NETO1: variants seen among roughly 807,000 people sequenced by gnomAD.
NETO1 encodes the protein neuropilin and tolloid-like protein 1.
A neutral mutation model predicts 61.3 loss-of-function variants in NETO1; 26 were observed. The observed-to-expected ratio is 0.42, with a 90% confidence interval of 0.31 to 0.59. The LOEUF (loss-of-function observed/expected upper bound fraction) is 0.59, where lower values mean the gene tolerates loss of function less well. NETO1 is among the 20% of genes least tolerant of loss of function. The pLI is 0.12. For missense variants in NETO1, 531 were observed against 662.8 expected (o/e 0.80, Z 2.18); for synonymous variants, 225 against 225.8 (o/e 1.00, Z 0.03).
In NETO1 at chr18:72,851,272, G is replaced by A. The variant is rs139949814; in HGVS notation, c.469+7554C>T. ...ACTAAAAATACAAAATTAGCCTGGC[G>A]TGGTGGCGCATGCTTGTAATCCCAG... On this transcript the variant is annotated intron_variant, in intron 4 of 10. Coordinates refer to ENST00000327305, the MANE Select transcript of NETO1 (RefSeq NM_138966.5). Among the ~76,000 whole-genome samples the A allele has an allele frequency of 8.2e-3, 1,250 of 152,240 alleles. 21 individuals are homozygous for A. The highest frequency in any genetic ancestry group is 0.029 in the African/African-American group (1,208 of 41,534).
intron 4 of NETO1, among the ~76,000 whole-genome samples, chr18:72,843,089 T>G (rs2073983391): frequency 6.6e-6 from 1 of 152,150 alleles, no homozygotes. Flanking sequence ...TTTAATCTAA[T>G]AAAGAAAACC....
Position 72,746,555 on chromosome 18 carries a change from T to C in NETO1, c.*1624A>G, listed in dbSNP as rs2070436193. ...AATGGCTATGATAACTCTTTGACTT[T>C]TCTATTATAAAAATTTATTTTCTAT... is the stretch of plus-strand genomic sequence containing the variant. On this transcript the variant is annotated 3_prime_UTR_variant, in exon 11 of 11. Coordinates refer to ENST00000327305, the MANE Select transcript of NETO1 (RefSeq NM_138966.5). Among the ~76,000 whole-genome samples, 1 of 152,082 alleles carries C rather than the reference T, an allele frequency of 6.6e-6. No individual in the cohort carries two copies. The highest frequency in any genetic ancestry group is 6.6e-5 in the Admixed American group (1 of 15,250).
chr18:72,827,787 T>C (rs2073432320), intron 4 of NETO1, among the ~76,000 whole-genome samples: 2 of 151,580 alleles, frequency 1.3e-5, no homozygotes, highest in African/African-American at 2.4e-5. Context: ...TTTGGGCATG[T>C]TGAAAGGGAC....
At chr18:72,783,573 T>A (rs946296781) in intron 7 of NETO1, 105 bp downstream of exon 7, 7 of 876,228 alleles carry the variant, frequency 8.0e-6, no homozygotes, top group Admixed American at 4.4e-5. Flanking sequence ...TATTAGAGAA[T>A]AGCCTGCTGT....
At chr18:72,834,623 A>G in intron 4 of NETO1, 1 of 983,502 alleles carries the variant, frequency 1.0e-6, no homozygotes, top group Non-Finnish European at 1.2e-6. Context: ...CAGGAAATTT[A>G]TGTTTATAAT....
chr18:72,823,938 A>G (rs1374834315), intron 4 of NETO1, among the ~76,000 whole-genome samples: 1 of 152,152 alleles, frequency 6.6e-6, no homozygotes, highest in African/African-American at 2.4e-5. Flanking sequence ...AATGTCCTAG[A>G]CAAACAGGAC....
At chr18:72,779,299 A>G (rs1439773021) in intron 7 of NETO1, among the ~76,000 whole-genome samples, 1 of 150,992 alleles carries the variant, frequency 6.6e-6, no homozygotes, top group Non-Finnish European at 1.5e-5. Context: ...ATAATTATAT[A>G]TTAGATTATA....
rs1224894124 is a variant in NETO1, at chr18:72,770,050, G to T, written c.868+13628C>A. Among the ~76,000 whole-genome samples, 3 of 151,876 alleles carry T rather than the reference G, an allele frequency of 2.0e-5. No homozygotes were observed. The East Asian group carries it at 5.8e-4, about 29-fold the overall frequency. On this transcript the variant is annotated intron_variant, in intron 7 of 10. Coordinates refer to ENST00000327305, the MANE Select transcript of NETO1 (RefSeq NM_138966.5). The stretch of plus-strand genomic sequence containing the variant: ...AGCAGTGCATATGCTTTTATTTCAA[G>T]ATTCCATCTCCAACATTATTTCATA...
chr18:72,770,016 T>C (rs2071302867), intron 7 of NETO1, among the ~76,000 whole-genome samples: 1 of 152,124 alleles, frequency 6.6e-6, no homozygotes, highest in Admixed American at 6.6e-5. Flanking sequence ...AAATATTTTG[T>C]TTCCTATAAG....
intron 4 of NETO1, among the ~76,000 whole-genome samples, chr18:72,807,835 ATGTTGC>A (rs967685100): frequency 2.6e-5 from 4 of 151,926 alleles, no homozygotes; most frequent in Non-Finnish European, 4.4e-5. Flanking sequence ...TTGTTGTTGT[ATGTTGC>A]TGTTGCTGTT....
Position 72,859,027 on chromosome 18 carries a change from T to C in NETO1, c.268A>G (p.Ile90Val), listed in dbSNP as rs909144611. ...AATTTGCACTCCCAAGACGGTTCAA[T>C]AGAGTACTTTTCATCAAAGTAAAGT... Reference protein sequence around the residue: ...IELYFDEKYSIEPSWECKFDH... With the variant: ...IELYFDEKYSVEPSWECKFDH... Residue 90 changes from isoleucine (I) to valine (V), a missense_variant, in exon 4 of 11, where the codon ATT becomes GTT. Transcript: ENST00000327305. 1.2e-6 allele frequency: 2 copies of C among 1,613,538 alleles called. No homozygotes were observed. The highest frequency in any genetic ancestry group is 1.7e-6 in the Non-Finnish European group (2 of 1,179,720).
Position 72,745,733 on chromosome 18 carries a change from C to T in NETO1, c.*2446G>A, listed in dbSNP as rs903297173. ...ATAAATAAGCACCGCCAGAGCCCTC[C>T]AGAGAACATCTCCCAACTCTGCCAG... On this transcript the variant is annotated 3_prime_UTR_variant, in exon 11 of 11. Transcript: ENST00000327305. 2.6e-5 allele frequency: 4 copies of T among 152,232 alleles called. No individual in the cohort carries two copies. The highest frequency in any genetic ancestry group is 4.4e-5 in the Non-Finnish European group (3 of 68,072). 9.4% of individuals were successfully genotyped at this position (152,232 alleles called of 1,614,324 possible). A position where few individuals can be genotyped will look rare whatever the true frequency, so the allele number is the denominator to read the frequency against.
intron 4 of NETO1, among the ~76,000 whole-genome samples, chr18:72,829,576 T>A (rs1308656022): frequency 6.6e-6 from 1 of 152,192 alleles, no homozygotes; most frequent in African/African-American, 2.4e-5. Flanking sequence ...TCACATTAGG[T>A]TCTACAGTAG....
intron 7 of NETO1, among the ~76,000 whole-genome samples, chr18:72,759,889 G>A (rs1337647856): frequency 1.4e-4 from 22 of 152,286 alleles, no homozygotes; most frequent in Non-Finnish European, 1.5e-4. Context: ...AGCCAAAGAA[G>A]TAACAATCCA....
chr18:72,793,271 T>C (rs1017052455), intron 6 of NETO1, among the ~76,000 whole-genome samples: 9 of 152,244 alleles, frequency 5.9e-5, no homozygotes, highest in African/African-American at 2.2e-4. Context: ...CTGAGGAATA[T>C]AAACCAAAAC....
At chr18:72,762,599 TTC>T (rs1415556309) in intron 7 of NETO1, among the ~76,000 whole-genome samples, 1 of 152,240 alleles carries the variant, frequency 6.6e-6, no homozygotes, top group African/African-American at 2.4e-5. Flanking sequence ...AAAGTTAATT[TTC>T]TCTTTCAGAT....
Position 72,774,827 on chromosome 18 carries a change from C to G in NETO1, c.868+8851G>C, listed in dbSNP as rs201272100. 5.9e-5 allele frequency among the ~76,000 whole-genome samples: 9 copies of G among 152,326 alleles called. No individual in the cohort carries two copies. The East Asian group carries it at 1.7e-3, about 29-fold the overall frequency. On this transcript the variant is annotated intron_variant, in intron 7 of 10. Coordinates refer to ENST00000327305, the MANE Select transcript of NETO1 (RefSeq NM_138966.5). ...TTGGATTACTCATGCATGTGCTCTT[C>G]TCCACCGGGTAAATTGTAGACTAAA...
chr18:72,835,414 TAC>T, intron 4 of NETO1: 2 of 992,504 alleles, frequency 2.0e-6, no homozygotes, highest in Non-Finnish European at 3.0e-6. Flanking sequence ...GTTTGGGTAA[TAC>T]AGGAGGAGCA....
intron 1 of NETO1, 130 bp downstream of exon 1, chr18:72,867,134 C>G (rs2145712805): frequency 1.6e-6 from 1 of 639,486 alleles, no homozygotes; most frequent in South Asian, 3.3e-5. Context: ...TTTACGTCGG[C>G]CCCGACCCGC....
Sources: allele counts gnomAD v4.1 joint callset (sites outside exome capture counted in the v4.1 genomes callset), GRCh38; gene constraint gnomAD v4.1.1; transcripts MANE v1.5; gene names NCBI Gene and HGNC (gene_info 2026-07-23, HGNC 2026-07-21).